Variants in BRSK2 observed in about 807,000 individuals in gnomAD.
BRSK2 encodes the protein serine/threonine-protein kinase BRSK2.
BRSK2 carries 19 observed loss-of-function variants against 83.3 expected under a neutral mutation model. The observed-to-expected ratio is 0.23, with a 90% confidence interval of 0.16 to 0.33. BRSK2 has a LOEUF of 0.33. BRSK2 is among the 10% of genes least tolerant of loss of function. BRSK2 has a pLI of 1.00. For missense variants in BRSK2, 798 were observed against 1,042.3 expected (o/e 0.77, Z 3.23); for synonymous variants, 519 against 435.4 (o/e 1.19, Z -2.39).
intron 16 of BRSK2, among the ~76,000 whole-genome samples, chr11:1,455,386 C>A (rs1159603021): frequency 6.6e-6 from 1 of 150,906 alleles, no homozygotes; most frequent in African/African-American, 2.4e-5. Flanking sequence ...TGCCCGGGCG[C>A]CCTCCCTGGC....
At chr11:1,450,950 G>C (rs1184678396) in intron 14 of BRSK2, among the ~76,000 whole-genome samples, 156 bp downstream of exon 14, 1 of 152,214 alleles carries the variant, frequency 6.6e-6, no homozygotes, top group Admixed American at 6.5e-5. Flanking sequence ...AAAGCGCCCA[G>C]CAGCAGCCTG....
At chr11:1,447,346 C>T (rs1852294478) in intron 12 of BRSK2, among the ~76,000 whole-genome samples, 1 of 152,228 alleles carries the variant, frequency 6.6e-6, no homozygotes, top group Non-Finnish European at 1.5e-5. Flanking sequence ...TGCCTGGCCC[C>T]TCCGGTCAGC....
At chr11:1,434,967 G>A (rs1850089819) in intron 1 of BRSK2, among the ~76,000 whole-genome samples, 2 of 151,928 alleles carry the variant, frequency 1.3e-5, no homozygotes, top group South Asian at 4.2e-4. Flanking sequence ...ATCTGGCTGT[G>A]AAAAGAGTGG....
In BRSK2 at chr11:1,445,851, C is replaced by T. The variant is rs374558064; in HGVS notation, c.1170C>T (p.Asp390=). 122 of 1,612,262 alleles carry T rather than the reference C, an allele frequency of 7.6e-5. No homozygotes were observed. In the Admixed American group the frequency reaches 1.3e-3, roughly 18 times the overall value. ...CCATGGAGGTGCTCAGCGTGACGGACGGCGGCTCCCCGGTGCCTGCGCGGC... is the reference window on the plus strand; with the variant it reads ...CCATGGAGGTGCTCAGCGTGACGGATGGCGGCTCCCCGGTGCCTGCGCGGC... ...RKSMEVLSVT[D]GGSPVPARRA... is the part of the protein sequence containing the mutation. The change falls in exon 12 of 20, where the codon GAC becomes GAT. Residue 390 remains aspartate, a synonymous_variant. Coordinates refer to ENST00000528841, the MANE Select transcript of BRSK2 (RefSeq NM_001256627.2).
rs1035597019 is a variant in BRSK2, at chr11:1,462,077, A to C, written c.*1354A>C. 6.6e-6 allele frequency: 1 copy of C among 152,136 alleles called. No homozygotes were observed. The highest frequency in any genetic ancestry group is 1.5e-5 in the Non-Finnish European group (1 of 68,018). 9.4% of individuals were successfully genotyped at this position (152,136 alleles called of 1,614,324 possible). ...CACACAGGACGGCAGGGGCACTGTGAGGCTTTTCTTATTAAAATGAAAAAA... is the reference window on the plus strand; with the variant it reads ...CACACAGGACGGCAGGGGCACTGTGCGGCTTTTCTTATTAAAATGAAAAAA... On this transcript the variant is annotated 3_prime_UTR_variant, in exon 20 of 20. Coordinates refer to ENST00000528841, the MANE Select transcript of BRSK2 (RefSeq NM_001256627.2).
intron 13 of BRSK2, 42 bp downstream of exon 13, chr11:1,449,878 G>T: frequency 6.7e-7 from 1 of 1,485,870 alleles, no homozygotes; most frequent in Non-Finnish European, 9.4e-7. Flanking sequence ...ATGCACAGAG[G>T]CCCCAACCCT....
At chr11:1,445,117 G>T in intron 9 of BRSK2, 115 bp downstream of exon 9, 1 of 1,496,064 alleles carries the variant, frequency 6.7e-7, no homozygotes, top group Non-Finnish European at 9.3e-7. Context: ...GCCCTGCCTT[G>T]GCCCTCCGTG....
chr11:1,418,442 C>T (rs1848327936), intron 1 of BRSK2, among the ~76,000 whole-genome samples: 1 of 143,098 alleles, frequency 7.0e-6, no homozygotes. Context: ...CTGTGTCCTG[C>T]TTCTGTTGGC....
intron 1 of BRSK2, among the ~76,000 whole-genome samples, chr11:1,421,776 G>A (rs143571370): frequency 6.6e-4 from 100 of 152,166 alleles, no homozygotes; most frequent in African/African-American, 1.9e-3. Context: ...CCGAAGGGTC[G>A]GGGAGCAAGG....
chr11:1,433,843 C>T (rs1849912885), intron 1 of BRSK2, among the ~76,000 whole-genome samples: 1 of 152,246 alleles, frequency 6.6e-6, no homozygotes, highest in Non-Finnish European at 1.5e-5. Flanking sequence ...CTGGGCTCCC[C>T]TCTGTGCCCA....
At chr11:1,392,227 C>A (rs1007020903) in intron 1 of BRSK2, among the ~76,000 whole-genome samples, 2 of 152,132 alleles carry the variant, frequency 1.3e-5, no homozygotes, top group African/African-American at 4.8e-5. Context: ...CTGCCAGGTC[C>A]CAAGCTCAAG....
intron 1 of BRSK2, among the ~76,000 whole-genome samples, chr11:1,391,664 C>T (rs1294980492): frequency 6.6e-6 from 1 of 152,172 alleles, no homozygotes; most frequent in Non-Finnish European, 1.5e-5. Flanking sequence ...AAGGAGGTGG[C>T]ATTCAGCCCA....
chr11:1,400,667 A>C (rs560360985), intron 1 of BRSK2, among the ~76,000 whole-genome samples: 10 of 152,034 alleles, frequency 6.6e-5, no homozygotes, highest in Non-Finnish European at 1.2e-4. Context: ...CGGGGGGCAG[A>C]TGCCACATGG....
intron 1 of BRSK2, chr11:1,410,782 G>A: frequency 1.0e-6 from 1 of 985,436 alleles, no homozygotes; most frequent in East Asian, 1.1e-4. Flanking sequence ...TGGTTGAGAA[G>A]GCCACAGGTG....
intron 1 of BRSK2, among the ~76,000 whole-genome samples, chr11:1,398,268 G>A (rs10833183): frequency 0.27 from 41,705 of 152,156 alleles, 5,839 homozygotes; most frequent in Middle Eastern, 0.41. Flanking sequence ...TCGTGTCCTC[G>A]GCACCCTGAA....
chr11:1,434,726 C>T (rs999987096), intron 1 of BRSK2, among the ~76,000 whole-genome samples: 6 of 148,484 alleles, frequency 4.0e-5, no homozygotes, highest in East Asian at 2.1e-4. Flanking sequence ...TAACCTGGGC[C>T]GGCTCTGGGT....
rs367735376 is a variant in BRSK2, at chr11:1,456,531, G to A, written c.1849+3G>A. The A allele has an allele frequency of 8.7e-5, 138 of 1,590,446 alleles. No individual in the cohort carries two copies. The Admixed American group carries it at 2.3e-3, about 26-fold the overall frequency. ...CGTCACCTTCACCCTGCTCTCAGGT[G>A]AGCTGGCGCCCCCAGGGCGGCTCCG... is the stretch of plus-strand genomic sequence containing the variant. On this transcript the variant is annotated splice_donor_region_variant and intron_variant, in intron 17 of 19. Coordinates refer to ENST00000528841, the MANE Select transcript of BRSK2 (RefSeq NM_001256627.2).
Position 1,438,368 on chromosome 11 carries a change from C to A in BRSK2, c.249C>A (p.Asp83Glu). 6.2e-7 allele frequency: 1 copy of A among 1,614,034 alleles called. No homozygotes were observed. The highest frequency in any genetic ancestry group is 8.5e-7 in the Non-Finnish European group (1 of 1,179,946). ...IEHPHVLKLH[D>E]VYENKKYLYL... ...ACCCCCACGTCCTAAAGCTGCACGA[C>A]GTTTATGAAAACAAAAAATATTTGT... The change falls in exon 3 of 20, where the codon GAC (aspartate) becomes GAA (glutamate). Residue 83 changes from aspartate (D) to glutamate (E), a missense_variant. Physicochemically the swap from Asp to Glu is conservative, Grantham distance 45. Transcript: ENST00000528841. The surrounding 1 kb of genome is among the most constrained non-coding windows in gnomAD (Gnocchi z 6.4).
In BRSK2 at chr11:1,390,119, G is replaced by C. The variant is rs574150513; in HGVS notation, c.-166G>C. On this transcript the variant is annotated 5_prime_UTR_variant, in exon 1 of 20. Transcript: ENST00000528841. This position sits in a 1 kb window ranked among gnomAD's most constrained non-coding sequence, Gnocchi z 6.8. ...GGACTGCCGCGTCGGAGTGGACGCG[G>C]GGGGCGGCGGCGCGGGCGGACGCGG... 8.7e-3 allele frequency: 1,397 copies of C among 161,254 alleles called. 23 individuals are homozygous for C. The highest frequency in any genetic ancestry group is 0.032 in the African/African-American group (1,334 of 41,106). The allele number at this position is 161,254 out of a possible 1,614,324, so 10.0% of individuals were successfully genotyped here.
Sources: gnomAD v4.1 joint callset for allele counts (sites outside exome capture counted in the v4.1 genomes callset) on GRCh38, gnomAD v4.1.1 for gene constraint, Gnocchi (gnomAD v3.1) non-coding constraint, MANE v1.5 for transcripts, NCBI Gene and HGNC (gene_info 2026-07-23, HGNC 2026-07-21) for gene names.